C13orf46: variants seen among roughly 807,000 people sequenced by gnomAD.
C13orf46 encodes chromosome 13 open reading frame 46.
the C13orf46 span, among the ~76,000 whole-genome samples, chr13:113,941,395 T>G: frequency 1.6e-5 from 1 of 62,794 alleles, no homozygotes; most frequent in African/African-American, 6.0e-5. Context: ...TGGGACTCCA[T>G]GTGTGAGGCT....
chr13:113,939,468 C>T, the C13orf46 span, among the ~76,000 whole-genome samples: 1 of 152,056 alleles, frequency 6.6e-6, no homozygotes, highest in South Asian at 2.1e-4. Context: ...TGGGGGCCAC[C>T]TGGACGGGGG....
At position 113,956,038 on chromosome 13, in the gene C13orf46, G is replaced by GTGGAGAGGAGTAGGAT. The variant is rs2052528642; in HGVS notation, c.*734_*735insATCCTACTCCTCTCCA. 6.3e-6 allele frequency: 1 copy of GTGGAGAGGAGTAGGAT among 159,142 alleles called. No individual in the cohort carries two copies. Among genetic ancestry groups the GTGGAGAGGAGTAGGAT allele is most frequent in the Non-Finnish European group, 1.4e-5 (1 of 73,356 alleles). The allele number at this position is 159,142 out of a possible 1,614,324, so 9.9% of individuals were successfully genotyped here. On this transcript the variant is annotated 3_prime_UTR_variant, in exon 7 of 7. Coordinates refer to ENST00000636427, the MANE Select transcript of C13orf46 (RefSeq NM_001365455.2). ...TGGCGGAGAGGAGGAGTAGGATCTG[G>GTGGAGAGGAGTAGGAT]CAGAGAGGAGTAGGATCTGGCGGAG...
chr13:113,952,148 G>A (rs1271371169), downstream of C13orf46, among the ~76,000 whole-genome samples: 1 of 152,218 alleles, frequency 6.6e-6, no homozygotes, highest in African/African-American at 2.4e-5. Context: ...GGGTGGGGGT[G>A]ACACGGCAGG....
At chr13:113,964,508 T>C (rs892423498) in intron 6 of C13orf46, among the ~76,000 whole-genome samples, 2 of 152,200 alleles carry the variant, frequency 1.3e-5, no homozygotes, top group African/African-American at 2.4e-5. Context: ...ACCAGCCGTG[T>C]ATGCACGGCT....
Position 113,973,920 on chromosome 13 carries a change from C to T in C13orf46, c.78G>A (p.Gly26=), listed in dbSNP as rs1178356330. 6.6e-6 allele frequency: 1 copy of T among 152,322 alleles called. No individual in the cohort carries two copies. Among genetic ancestry groups the T allele is most frequent in the Non-Finnish European group, 1.5e-5 (1 of 68,090 alleles). 9.4% of individuals were successfully genotyped at this position (152,322 alleles called of 1,614,324 possible). Residue 26 remains glycine, a synonymous_variant, in exon 1 of 7, where the codon GGG becomes GGA. Coordinates refer to ENST00000636427, the MANE Select transcript of C13orf46 (RefSeq NM_001365455.2). The part of the protein sequence containing the change: ...LRALPSGVAL[G]HLKAASEASE... ...AGGCCTCACTGGCCGCCTTGAGGTG[C>T]CCAAGGGCCACTCCTGAGGGCAGGG...
At chr13:113,966,324 G>C (rs1225746318) in intron 5 of C13orf46, among the ~76,000 whole-genome samples, 1 of 149,914 alleles carries the variant, frequency 6.7e-6, no homozygotes, top group East Asian at 2.0e-4. Flanking sequence ...GCTGGTGATG[G>C]GAATGATGGT....
At chr13:113,934,349 A>G in the C13orf46 span, among the ~76,000 whole-genome samples, 1 of 152,204 alleles carries the variant, frequency 6.6e-6, no homozygotes. Context: ...CAGGAGTACA[A>G]TCGCTGGGTC....
At chr13:113,960,396 A>G (rs2052577821) in intron 6 of C13orf46, among the ~76,000 whole-genome samples, 3 of 152,176 alleles carry the variant, frequency 2.0e-5, no homozygotes, top group Admixed American at 2.0e-4. Context: ...TAACTCTGAA[A>G]TCATTTCTTT....
the C13orf46 span, among the ~76,000 whole-genome samples, chr13:113,932,136 C>T: frequency 6.6e-6 from 1 of 152,174 alleles, no homozygotes; most frequent in South Asian, 2.1e-4. Context: ...ATGGGTGTAT[C>T]ATAATTGGTT....
At chr13:113,934,019 A>G in the C13orf46 span, among the ~76,000 whole-genome samples, 1 of 152,040 alleles carries the variant, frequency 6.6e-6, no homozygotes, top group African/African-American at 2.4e-5. Flanking sequence ...CACATTCGAG[A>G]TGCATGACCG....
the C13orf46 span, chr13:113,927,286 T>C: frequency 2.8e-6 from 1 of 361,282 alleles, no homozygotes. Context: ...TATGGGGACC[T>C]TCATATGTGG....
intron 1 of C13orf46, among the ~76,000 whole-genome samples, chr13:113,972,043 C>G (rs1479047069): frequency 6.6e-6 from 1 of 152,164 alleles, no homozygotes; most frequent in Non-Finnish European, 1.5e-5. Context: ...GGCCTCCCTG[C>G]TGCGGCACCT....
the C13orf46 span, among the ~76,000 whole-genome samples, chr13:113,934,309 ATACATTT>A: frequency 0.021 from 3,245 of 152,298 alleles, 50 homozygotes; most frequent in South Asian, 0.04. Context: ...TTGTGTGACT[ATACATTT>A]TAATTTCTCT....
At chr13:113,936,027 G>C in the C13orf46 span, among the ~76,000 whole-genome samples, 1 of 152,214 alleles carries the variant, frequency 6.6e-6, no homozygotes, top group Non-Finnish European at 1.5e-5. Flanking sequence ...AAGTTCTCTA[G>C]CATTGGACAG....
At chr13:113,943,606 C>T in the C13orf46 span, among the ~76,000 whole-genome samples, 1 of 152,202 alleles carries the variant, frequency 6.6e-6, no homozygotes, top group African/African-American at 2.4e-5. Flanking sequence ...TAGAACGAGG[C>T]ATGTCTGACC....
chr13:113,928,902 A>T, the C13orf46 span: 1 of 152,472 alleles, frequency 6.6e-6, no homozygotes, highest in African/African-American at 2.4e-5. Context: ...GCCAAGGAGA[A>T]GGCTGTGAGC....
Position 113,974,013 on chromosome 13 carries a change from C to G in C13orf46, c.-16G>C, listed in dbSNP as rs983366868. ...CCTTCTCCATCCTCCAGCCCAGCCT[C>G]GGCTTGAGCACAAGGCTGCCACCCT... On this transcript the variant is annotated 5_prime_UTR_variant, in exon 1 of 7. Coordinates refer to ENST00000636427, the MANE Select transcript of C13orf46 (RefSeq NM_001365455.2). 1 of 152,652 alleles carries G rather than the reference C, an allele frequency of 6.6e-6. No individual in the cohort carries two copies. The highest frequency in any genetic ancestry group is 6.5e-5 in the Admixed American group (1 of 15,294). The allele number at this position is 152,652 out of a possible 1,614,324, so 9.5% of individuals were successfully genotyped here. A position where few individuals can be genotyped will look rare whatever the true frequency, so the allele number is the denominator to read the frequency against.
At chr13:113,967,547 G>C (rs2052662079) in intron 4 of C13orf46, among the ~76,000 whole-genome samples, 159 bp from the exon 5 acceptor site, 1 of 152,168 alleles carries the variant, frequency 6.6e-6, no homozygotes, top group East Asian at 1.9e-4. Context: ...TGCTGAACGA[G>C]GGCTCCTGGG....
At chr13:113,968,420 G>T (rs1002747621) in intron 4 of C13orf46, 47 bp downstream of exon 4, 10 of 152,214 alleles carry the variant, frequency 6.6e-5, no homozygotes, top group African/African-American at 1.7e-4. Context: ...CTCCCGCCTG[G>T]ACAGGCCTCC....
Sources: allele counts gnomAD v4.1 joint callset (sites outside exome capture counted in the v4.1 genomes callset), GRCh38; gene constraint gnomAD v4.1.1; transcripts MANE v1.5; gene names NCBI Gene and HGNC (gene_info 2026-07-23, HGNC 2026-07-21).